The following RIOX2 variants were observed in gnomAD, a reference collection of about 807,000 sequenced individuals.
RIOX2 encodes 60S ribosomal protein L27a histidine hydroxylase.
A neutral mutation model predicts 51.2 loss-of-function variants in RIOX2; 43 were observed. That is an observed-to-expected ratio of 0.84 (90% CI 0.66 to 1.08). The LOEUF is 1.08. Ranked by LOEUF, RIOX2 falls within the 50% of genes least tolerant of loss-of-function variation. The pLI is 0.00. For synonymous variants in RIOX2, 226 were observed against 218.5 expected (o/e 1.03, Z -0.30); for missense variants, 566 against 561.7 (o/e 1.01, Z -0.08).
chr3:97,953,348 A>G (rs1296312414), intron 5 of RIOX2, among the ~76,000 whole-genome samples: 1 of 152,102 alleles, frequency 6.6e-6, no homozygotes, highest in African/African-American at 2.4e-5. Flanking sequence ...AATGTCTAGT[A>G]CATATTTGTT....
chr3:97,958,947 G>A, intron 4 of RIOX2, 104 bp downstream of exon 4: 1 of 1,283,806 alleles, frequency 7.8e-7, no homozygotes. Context: ...TATTCCCACG[G>A]GGACCATCAC....
In RIOX2 at chr3:97,961,647, T is replaced by C; in HGVS notation, c.494A>G (p.Asn165Ser). ...ECYFGSLVGS[N>S]VYITPAGSQG... ...AGATCCTGCGGGAGTTATGTACACA[T>C]TCGAGCCAACCAAGGAGCCAAAGTA... is the stretch of plus-strand genomic sequence containing the variant. Residue 165 changes from asparagine to serine, a missense_variant, in exon 3 of 10, where the codon AAT becomes AGT. Coordinates refer to ENST00000394198, the MANE Select transcript of RIOX2 (RefSeq NM_153182.4). The C allele has an allele frequency of 6.2e-7, 1 of 1,612,906 alleles. No homozygotes were observed. Among genetic ancestry groups the C allele is most frequent in the Non-Finnish European group, 8.5e-7 (1 of 1,179,708 alleles).
chr3:97,957,267 G>A (rs111422927), intron 4 of RIOX2, among the ~76,000 whole-genome samples: 475 of 152,260 alleles, frequency 3.1e-3, no homozygotes, highest in Non-Finnish European at 6.0e-3. Flanking sequence ...GGGAGGCCGA[G>A]GCAGGTGGAT....
Position 97,946,604 on chromosome 3 carries a change from A to ATATATATATATATC in RIOX2, c.1150-718_1150-717insGATATATATATATA, listed in dbSNP as rs1553712244. On this transcript the variant is annotated intron_variant, in intron 8 of 9. Coordinates refer to ENST00000394198, the MANE Select transcript of RIOX2 (RefSeq NM_153182.4). ...TGAGGATGTATATATATATATATATATATCTATTCATGTATATTCATATAT... is the reference window on the plus strand; with the variant it reads ...TGAGGATGTATATATATATATATATATATATATATATATCTATCTATTCATGTATATTCATATAT... 8.1e-3 allele frequency among the ~76,000 whole-genome samples: 1,134 copies of ATATATATATATATC among 139,620 alleles called. 7 individuals carry two copies. Among genetic ancestry groups the ATATATATATATATC allele is most frequent in the Middle Eastern group, 0.019 (5 of 266 alleles). 91.6% of individuals were successfully genotyped at this position (139,620 alleles called of 152,430 possible). A position where few individuals can be genotyped will look rare whatever the true frequency, so the allele number is the denominator to read the frequency against.
In RIOX2 at chr3:97,952,117, T is replaced by C. The variant is rs773094581; in HGVS notation, c.786-1229A>G. The C allele has an allele frequency of 4.9e-5, 58 of 1,193,768 alleles. 1 individual carries two copies. Among genetic ancestry groups the C allele is most frequent in the Non-Finnish European group, 6.3e-5 (57 of 901,466 alleles). The allele number at this position is 1,193,768 out of a possible 1,614,324, so 73.9% of individuals were successfully genotyped here. On this transcript the variant is annotated intron_variant, in intron 5 of 9. Transcript: ENST00000394198. The stretch of plus-strand genomic sequence containing the variant: ...CCCCAAACACTCCAACAATGCTACC[T>C]TGACAGGTGTTAGGAAGAGGCCCCA...
chr3:97,959,306 G>GTTTTT (rs67345115), intron 3 of RIOX2, 127 bp from the exon 4 acceptor site: 41 of 237,348 alleles, frequency 1.7e-4, no homozygotes, highest in South Asian at 5.3e-4. Flanking sequence ...AACAACACAG[G>GTTTTT]TTTTTTTTTT....
At position 97,942,675 on chromosome 3, in the gene RIOX2, G is replaced by A; in HGVS notation, c.*2509C>T. On this transcript the variant is annotated 3_prime_UTR_variant, in exon 10 of 10. Coordinates refer to ENST00000394198, the MANE Select transcript of RIOX2 (RefSeq NM_153182.4). Reference sequence around the variant, plus strand: ...TAGTACAGTTGTAAAACTTTCATTTGCTACGTGAACTCAGAACAGTTCTAA... The same window carrying A: ...TAGTACAGTTGTAAAACTTTCATTTACTACGTGAACTCAGAACAGTTCTAA... The A allele has an allele frequency of 5.1e-6, 2 of 389,694 alleles. No homozygotes were observed. Among genetic ancestry groups the A allele is most frequent in the Non-Finnish European group, 9.1e-6 (2 of 219,260 alleles). The allele number at this position is 389,694 out of a possible 1,614,324, so 24.1% of individuals were successfully genotyped here.
chr3:97,945,470 T>C (rs2040332665), intron 9 of RIOX2, 128 bp from the exon 10 acceptor site: 3 of 787,818 alleles, frequency 3.8e-6, no homozygotes, highest in South Asian at 3.9e-5. Context: ...TTAGACACAC[T>C]ACAATTAGAT....
At chr3:97,945,605 T>A in intron 9 of RIOX2, 193 bp downstream of exon 9, 1 of 617,030 alleles carries the variant, frequency 1.6e-6, no homozygotes, top group Non-Finnish European at 2.8e-6. Context: ...TAGTATGTCT[T>A]AAAACTGGTG....
intron 5 of RIOX2, among the ~76,000 whole-genome samples, chr3:97,953,268 A>C (rs889661583): frequency 2.6e-5 from 4 of 152,166 alleles, no homozygotes; most frequent in Non-Finnish European, 5.9e-5. Context: ...CTTCTCCTAC[A>C]ACCAATTCCA....
rs1484523937 is a variant in RIOX2 at position 97,943,605 on chromosome 3, A to C, written c.*1579T>G. The stretch of plus-strand genomic sequence containing the variant: ...TTTCCTGAAGTGTTTATTTTCTCTC[A>C]TATCCACCAAACGTGAATCCTGTTC... On this transcript the variant is annotated 3_prime_UTR_variant, in exon 10 of 10. Transcript: ENST00000394198. 3.0e-6 allele frequency: 1 copy of C among 338,192 alleles called. No individual in the cohort carries two copies. The highest frequency in any genetic ancestry group is 5.3e-5 in the Admixed American group (1 of 18,704). 20.9% of individuals were successfully genotyped at this position (338,192 alleles called of 1,614,324 possible).
At position 97,961,616 on chromosome 3, in the gene RIOX2, G is replaced by A; in HGVS notation, c.525C>T (p.Gly175=). The A allele has an allele frequency of 6.2e-7, 1 of 1,606,386 alleles. No homozygotes were observed. Among genetic ancestry groups the A allele is most frequent in the Non-Finnish European group, 8.5e-7 (1 of 1,178,186 alleles). Reference sequence around the variant, plus strand: ...CGACATCATCATAATGGGGCGGCAGGCCCTGAGATCCTGCGGGAGTTATGT... The same window carrying A: ...CGACATCATCATAATGGGGCGGCAGACCCTGAGATCCTGCGGGAGTTATGT... ...NVYITPAGSQ[G]LPPHYDDVEV... The change falls in exon 3 of 10, where the codon GGC becomes GGT. Residue 175 remains glycine (G), a synonymous_variant. Transcript: ENST00000394198.
At chr3:97,950,590 C>G (rs1167186141) in intron 6 of RIOX2, among the ~76,000 whole-genome samples, 196 bp downstream of exon 6, 1 of 152,186 alleles carries the variant, frequency 6.6e-6, no homozygotes, top group African/African-American at 2.4e-5. Context: ...GCTGTCTGTA[C>G]AACATCACAG....
intron 1 of RIOX2, among the ~76,000 whole-genome samples, chr3:97,968,346 T>C (rs993531128): frequency 1.3e-5 from 2 of 152,242 alleles, no homozygotes; most frequent in Non-Finnish European, 1.5e-5. Context: ...AAAGTAGTTA[T>C]ATCTAAAGCC....
chr3:97,963,630 G>A (rs1705764169), intron 2 of RIOX2, among the ~76,000 whole-genome samples: 1 of 152,014 alleles, frequency 6.6e-6, no homozygotes, highest in South Asian at 2.1e-4. Flanking sequence ...AGAAAACCAG[G>A]GCTTCTCTCT....
intron 1 of RIOX2, among the ~76,000 whole-genome samples, 179 bp from the exon 2 acceptor site, chr3:97,967,811 T>C (rs1184204703): frequency 6.6e-6 from 1 of 152,210 alleles, no homozygotes; most frequent in Non-Finnish European, 1.5e-5. Context: ...TCTTCTAAGA[T>C]ATGATTCAAG....
chr3:97,950,901 C>G lies in RIOX2; in HGVS notation c.786-13G>C, dbSNP rs745701780. Reference sequence around the variant, plus strand: ...ATCTCCCCATGAACTAGGATATGCACCAAGGGGGAAAAAAAAACCAAAACA... The same window carrying G: ...ATCTCCCCATGAACTAGGATATGCAGCAAGGGGGAAAAAAAAACCAAAACA... On this transcript the variant is annotated splice_polypyrimidine_tract_variant and intron_variant, in intron 5 of 9. Coordinates refer to ENST00000394198, the MANE Select transcript of RIOX2 (RefSeq NM_153182.4). 6.3e-7 allele frequency: 1 copy of G among 1,593,888 alleles called. No homozygotes were observed. The highest frequency in any genetic ancestry group is 2.2e-5 in the East Asian group (1 of 44,790).
chr3:97,945,619 A>G (rs2040336435), intron 9 of RIOX2, 179 bp downstream of exon 9: 2 of 622,374 alleles, frequency 3.2e-6, no homozygotes, highest in Non-Finnish European at 5.6e-6. Context: ...ACTGGTGTGC[A>G]TGTATCACAG....
At chr3:97,968,432 C>T (rs565593377) in intron 1 of RIOX2, among the ~76,000 whole-genome samples, 1 of 152,290 alleles carries the variant, frequency 6.6e-6, no homozygotes, top group African/African-American at 2.4e-5. Context: ...AGCACTTCTC[C>T]AACTTTAATG....
Sources: allele counts gnomAD v4.1 joint callset (sites outside exome capture counted in the v4.1 genomes callset), GRCh38; gene constraint gnomAD v4.1.1; transcripts MANE v1.5; gene names NCBI Gene and HGNC (gene_info 2026-07-23, HGNC 2026-07-21).